JAZF1: variants seen among roughly 807,000 people sequenced by gnomAD.
JAZF1 encodes the protein JAZF zinc finger 1.
JAZF1 carries 8 observed loss-of-function variants against 26.4 expected under a neutral mutation model. The ratio of observed to expected loss-of-function variants is 0.30; its 90% CI spans 0.18 to 0.55. The LOEUF (loss-of-function observed/expected upper bound fraction) is 0.55, where lower values mean the gene tolerates loss of function less well. Among genes scored for constraint, JAZF1 ranks in the 20% least tolerant of loss-of-function variants. The pLI, the probability that JAZF1 is intolerant of heterozygous loss-of-function variation, is 0.94. For synonymous variants in JAZF1, 126 were observed against 122.3 expected (o/e 1.03, Z -0.20); for missense variants, 199 against 322.0 (o/e 0.62, Z 2.92).
At chr7:28,180,387 T>A in intron 1 of JAZF1, 76 bp downstream of exon 1, 5 of 781,660 alleles carry the variant, frequency 6.4e-6, no homozygotes, top group Non-Finnish European at 9.6e-6. Context: ...CGGCCACCCC[T>A]GGCCATTCCG....
intron 3 of JAZF1, among the ~76,000 whole-genome samples, chr7:27,871,900 G>A (rs1783589428): frequency 6.6e-6 from 1 of 152,170 alleles, no homozygotes; most frequent in African/African-American, 2.4e-5. Context: ...AAGGATGGAA[G>A]GCTGGGAGAA....
At chr7:28,096,725 T>A (rs1425658539) in intron 1 of JAZF1, among the ~76,000 whole-genome samples, 1 of 152,080 alleles carries the variant, frequency 6.6e-6, no homozygotes, top group Non-Finnish European at 1.5e-5. Context: ...TGCATCTATA[T>A]CTCAAATAAA....
At chr7:28,077,806 G>A (rs903377810) in intron 1 of JAZF1, among the ~76,000 whole-genome samples, 4 of 152,160 alleles carry the variant, frequency 2.6e-5, no homozygotes, top group African/African-American at 9.7e-5. Flanking sequence ...ACTACTTAAA[G>A]AGCTGGAGCT....
chr7:28,170,187 C>T (rs1367776081), intron 1 of JAZF1, among the ~76,000 whole-genome samples: 1 of 152,114 alleles, frequency 6.6e-6, no homozygotes, highest in African/African-American at 2.4e-5. Flanking sequence ...TACCAGAAGG[C>T]TGAGGCAGGA....
At chr7:28,142,003 T>G (rs369981293) in intron 1 of JAZF1, among the ~76,000 whole-genome samples, 1 of 152,170 alleles carries the variant, frequency 6.6e-6, no homozygotes, top group African/African-American at 2.4e-5. Context: ...GAGCAAAATA[T>G]GTGGCGGTCA....
chr7:28,166,947 A>G (rs1276380754), intron 1 of JAZF1, among the ~76,000 whole-genome samples: 2 of 152,182 alleles, frequency 1.3e-5, no homozygotes, highest in Non-Finnish European at 2.9e-5. Context: ...TTTTTCTCCC[A>G]TCATATTATG....
intron 4 of JAZF1, among the ~76,000 whole-genome samples, chr7:27,836,768 C>T (rs1782821145): frequency 6.6e-6 from 1 of 152,218 alleles, no homozygotes; most frequent in African/African-American, 2.4e-5. Flanking sequence ...CACAGCAGCA[C>T]ACACTGTGTC....
intron 2 of JAZF1, among the ~76,000 whole-genome samples, chr7:27,980,655 T>C (rs1172370915): frequency 6.6e-6 from 1 of 152,178 alleles, no homozygotes; most frequent in African/African-American, 2.4e-5. Context: ...CGTCATTCTT[T>C]TCTGGTCTTC....
At position 27,840,641 on chromosome 7, in the gene JAZF1, C is replaced by A; in HGVS notation, c.555+57G>T. On this transcript the variant is annotated intron_variant, in intron 4 of 4. Transcript: ENST00000283928. This position sits in a 1 kb window ranked among gnomAD's most constrained non-coding sequence, Gnocchi z 5.1. The stretch of plus-strand genomic sequence containing the variant: ...AAAATCAAGAAAGGGCTGCTGCCTT[C>A]CATGAAGCTTGCCCTGTTTCCATGT... 1.5e-5 allele frequency: 24 copies of A among 1,560,126 alleles called. No individual in the cohort carries two copies. The highest frequency in any genetic ancestry group is 2.1e-5 in the Non-Finnish European group (24 of 1,138,698).
rs1782692773 is a variant in JAZF1, at chr7:27,831,396, G to A, written c.*1404C>T. ...TTTATGGGCAGTTAGCTATCTCAAA[G>A]CATTTTTTATTGCATTATTAGGCAA... On this transcript the variant is annotated 3_prime_UTR_variant, in exon 5 of 5. Coordinates refer to ENST00000283928, the MANE Select transcript of JAZF1 (RefSeq NM_175061.4). 4.4e-6 allele frequency: 1 copy of A among 227,440 alleles called. No individual in the cohort carries two copies. The highest frequency in any genetic ancestry group is 8.8e-6 in the Non-Finnish European group (1 of 114,230). 14.1% of individuals were successfully genotyped at this position (227,440 alleles called of 1,614,324 possible). A position where few individuals can be genotyped will look rare whatever the true frequency, so the allele number is the denominator to read the frequency against.
At chr7:27,899,717 C>T (rs140031150) in intron 2 of JAZF1, among the ~76,000 whole-genome samples, 228 of 152,224 alleles carry the variant, frequency 1.5e-3, no homozygotes, top group African/African-American at 5.3e-3. Context: ...TGAGCCACTG[C>T]GCCTGACTCA....
intron 1 of JAZF1, among the ~76,000 whole-genome samples, chr7:28,005,231 T>C (rs1782678273): frequency 1.3e-5 from 2 of 152,156 alleles, no homozygotes; most frequent in African/African-American, 4.8e-5. Flanking sequence ...TTCAGAATTT[T>C]CTGTAAGTCA....
intron 1 of JAZF1, among the ~76,000 whole-genome samples, chr7:28,073,437 C>T (rs1344863345): frequency 6.6e-6 from 1 of 152,136 alleles, no homozygotes; most frequent in East Asian, 1.9e-4. Context: ...AAAATCAAAG[C>T]CAGGACCACA....
intron 1 of JAZF1, among the ~76,000 whole-genome samples, chr7:28,167,921 G>A (rs1024198662): frequency 6.6e-6 from 1 of 152,130 alleles, no homozygotes; most frequent in East Asian, 1.9e-4. Flanking sequence ...CTTCTTTGCA[G>A]GAAGCAATGG....
rs1466993822 is a variant in JAZF1, at chr7:28,051,150, A to AC, written c.116-59170_116-59169insG. Among the ~76,000 whole-genome samples the AC allele has an allele frequency of 9.1e-4, 123 of 135,684 alleles. 4 individuals are homozygous for AC. Among genetic ancestry groups the AC allele is most frequent in the African/African-American group, 2.1e-3 (77 of 36,060 alleles). 89.0% of individuals were successfully genotyped at this position (135,684 alleles called of 152,430 possible). Reference sequence around the variant, plus strand: ...CCATCTCAAAAAAAAAAAAAAAAAAAAAAAAACAAAGTCTACTACTATAAC... The same window carrying AC: ...CCATCTCAAAAAAAAAAAAAAAAAAACAAAAAACAAAGTCTACTACTATAAC... On this transcript the variant is annotated intron_variant, in intron 1 of 4. Transcript: ENST00000283928.
intron 2 of JAZF1, among the ~76,000 whole-genome samples, chr7:27,922,094 A>C (rs1294708115): frequency 6.6e-6 from 1 of 152,174 alleles, no homozygotes; most frequent in Admixed American, 6.5e-5. Context: ...TGTGTTTTAA[A>C]CTTTTTGGAT....
intron 4 of JAZF1, among the ~76,000 whole-genome samples, chr7:27,835,113 G>A (rs1782780721): frequency 6.6e-6 from 1 of 152,106 alleles, no homozygotes; most frequent in South Asian, 2.1e-4. Context: ...GGAACTTGAT[G>A]CAGGACAGCT....
chr7:28,093,215 G>A (rs1014805732), intron 1 of JAZF1, among the ~76,000 whole-genome samples: 1 of 152,120 alleles, frequency 6.6e-6, no homozygotes, highest in South Asian at 2.1e-4. Context: ...CACATGTTGT[G>A]GGAGGGACCA....
chr7:28,079,498 T>C (rs372928592), intron 1 of JAZF1, among the ~76,000 whole-genome samples: 5 of 152,228 alleles, frequency 3.3e-5, no homozygotes, highest in African/African-American at 1.2e-4. Flanking sequence ...CAAAATAAAA[T>C]ATAAATATCA....
Sources: allele counts gnomAD v4.1 joint callset (sites outside exome capture counted in the v4.1 genomes callset), GRCh38; gene constraint gnomAD v4.1.1; non-coding constraint Gnocchi (gnomAD v3.1); transcripts MANE v1.5; gene names NCBI Gene and HGNC (gene_info 2026-07-23, HGNC 2026-07-21).